ATAD2: variants seen among roughly 807,000 people sequenced by gnomAD.
ATAD2 encodes the protein ATPase family AAA domain containing 2, also known as ATPase family AAA domain-containing protein 2.
ATAD2 carries 62 observed loss-of-function variants against 168.9 expected under a neutral mutation model. The observed-to-expected ratio is 0.37, with a 90% CI of 0.30 to 0.45. ATAD2 has a LOEUF of 0.45. Among genes scored for constraint, ATAD2 ranks in the 20% least tolerant of loss-of-function variants. The pLI, the probability that ATAD2 is intolerant of heterozygous loss-of-function variation, is 1.00. For missense variants in ATAD2, 1,419 were observed against 1,667.8 expected, an observed-to-expected ratio of 0.85 and a Z score of 2.60; for synonymous variants, 613 against 571.6, an observed-to-expected ratio of 1.07 and a Z score of -1.03.
chr8:123,337,953 T>C (rs142230793), intron 20 of ATAD2, 132 bp from the exon 21 acceptor site: 4 of 842,432 alleles, frequency 4.7e-6, no homozygotes, highest in African/African-American at 3.5e-5. Context: ...AGATTTGAAA[T>C]ACAAAAGTAT....
chr8:123,396,399 A>T lies in ATAD2; in HGVS notation c.-42T>A, dbSNP rs780497045. The T allele has an allele frequency of 5.3e-6, 8 of 1,508,082 alleles. No individual in the cohort carries two copies. The highest frequency in any genetic ancestry group is 2.4e-5 in the East Asian group (1 of 41,040). The allele number at this position is 1,508,082 out of a possible 1,614,324, so 93.4% of individuals were successfully genotyped here. On this transcript the variant is annotated 5_prime_UTR_variant, in exon 1 of 28. Coordinates refer to ENST00000287394, the MANE Select transcript of ATAD2 (RefSeq NM_014109.4). ...CCTCGGCGTGCGCGACCGGAGAGAG[A>T]TCCAGCTCCAGGCGCTCGCAGCTCT...
At chr8:123,356,656 T>TC (rs1222587938) in intron 12 of ATAD2, among the ~76,000 whole-genome samples, 179 bp from the exon 13 acceptor site, 16 of 151,138 alleles carry the variant, frequency 1.1e-4, no homozygotes, top group Non-Finnish European at 1.5e-5. Context: ...TATATAATTT[T>TC]TTTTTTTTTT....
chr8:123,339,452 A>G lies in ATAD2; in HGVS notation c.2719-6T>C, dbSNP rs1223310577. The G allele has an allele frequency of 7.0e-6, 11 of 1,568,104 alleles. No homozygotes were observed. The highest frequency in any genetic ancestry group is 9.5e-6 in the Non-Finnish European group (11 of 1,154,852). Reference sequence around the variant, plus strand: ...CGGATAAACAATTCTTGCACCTTAAAAAAGAAAATAAATGCAATATATATC... The same window carrying G: ...CGGATAAACAATTCTTGCACCTTAAGAAAGAAAATAAATGCAATATATATC... On this transcript the variant is annotated splice_region_variant and splice_polypyrimidine_tract_variant and intron_variant, in intron 19 of 27. Coordinates refer to ENST00000287394, the MANE Select transcript of ATAD2 (RefSeq NM_014109.4).
intron 24 of ATAD2, among the ~76,000 whole-genome samples, chr8:123,333,106 T>C (rs952854196): frequency 6.6e-6 from 1 of 151,666 alleles, no homozygotes; most frequent in African/African-American, 2.4e-5. Context: ...TAGTGAGGAA[T>C]GGCCAGGCGC....
At position 123,369,933 on chromosome 8, in the gene ATAD2, A is replaced by ATCT; in HGVS notation, c.818_819insAGA (p.Asp272_Asp273insGlu). 1 of 1,581,660 alleles carries ATCT rather than the reference A, an allele frequency of 6.3e-7. No homozygotes were observed. Among genetic ancestry groups the ATCT allele is most frequent in the Non-Finnish European group, 8.7e-7 (1 of 1,154,004 alleles). On this transcript the variant is annotated inframe_insertion, in exon 7 of 28. Transcript: ENST00000287394. ...CTTCATCATCTTCATCATCATCATC[A>ATCT]TCATCATCATCGTCATCATCATCAT...
intron 14 of ATAD2, 112 bp downstream of exon 14, chr8:123,349,173 G>A: frequency 9.1e-7 from 1 of 1,096,578 alleles, no homozygotes. Context: ...ACTATCATTT[G>A]ACAAGACCAT....
chr8:123,385,846 T>G (rs1476789046), intron 1 of ATAD2, among the ~76,000 whole-genome samples: 1 of 151,910 alleles, frequency 6.6e-6, no homozygotes, highest in Non-Finnish European at 1.5e-5. Flanking sequence ...AGAACTCCTT[T>G]GCAAAACAAG....
chr8:123,329,981 C>CTTTTTT (rs71310666), intron 24 of ATAD2, among the ~76,000 whole-genome samples: 6 of 100,318 alleles, frequency 6.0e-5, no homozygotes, highest in African/African-American at 2.2e-4. Flanking sequence ...CCAGTGGCTT[C>CTTTTTT]TTTTTTTTTT....
chr8:123,332,671 T>TTAC (rs1827805310), intron 24 of ATAD2, among the ~76,000 whole-genome samples: 1 of 152,154 alleles, frequency 6.6e-6, no homozygotes, highest in Non-Finnish European at 1.5e-5. Context: ...GGCATTTGAG[T>TTAC]TACCCCCAGT....
chr8:123,356,314 A>T, intron 13 of ATAD2, 75 bp downstream of exon 13: 1 of 1,231,174 alleles, frequency 8.1e-7, no homozygotes. Context: ...TCACCATTTA[A>T]CATTCTATCT....
intron 20 of ATAD2, among the ~76,000 whole-genome samples, chr8:123,339,008 T>G (rs1463894576): frequency 6.6e-6 from 1 of 152,176 alleles, no homozygotes; most frequent in Non-Finnish European, 1.5e-5. Context: ...AAAATTATGT[T>G]ACATATGGTT....
intron 13 of ATAD2, among the ~76,000 whole-genome samples, chr8:123,350,041 GAA>G (rs1012555003): frequency 1.3e-4 from 20 of 151,650 alleles, no homozygotes; most frequent in Non-Finnish European, 2.8e-4. Context: ...AAAAGAAAAA[GAA>G]AAAAAGTGCT....
chr8:123,356,486 T>C lies in ATAD2; in HGVS notation c.1558-9A>G. Reference sequence around the variant, plus strand: ...GGGCGCATCTGATAGGCCTAGAAAGTAGGTGGAGTGGTCATTTGTTAGCAT... The same window carrying C: ...GGGCGCATCTGATAGGCCTAGAAAGCAGGTGGAGTGGTCATTTGTTAGCAT... On this transcript the variant is annotated splice_polypyrimidine_tract_variant and intron_variant, in intron 12 of 27. Coordinates refer to ENST00000287394, the MANE Select transcript of ATAD2 (RefSeq NM_014109.4). 1 of 1,604,314 alleles carries C rather than the reference T, an allele frequency of 6.2e-7. No individual in the cohort carries two copies. Among genetic ancestry groups the C allele is most frequent in the Non-Finnish European group, 8.5e-7 (1 of 1,173,204 alleles).
chr8:123,396,484 G>C, upstream of ATAD2: 2 of 1,056,776 alleles, frequency 1.9e-6, no homozygotes, highest in Non-Finnish European at 1.3e-6. Context: ...CGCAGCGCGC[G>C]CGCCCAGAAT....
At chr8:123,371,553 T>C (rs1829147698) in intron 4 of ATAD2, 117 bp downstream of exon 4, 1 of 947,094 alleles carries the variant, frequency 1.1e-6, no homozygotes, top group Admixed American at 3.1e-5. Context: ...ATCATTCTCC[T>C]GTACGCTTTA....
At chr8:123,336,314 C>A (rs1230503000) in intron 22 of ATAD2, 59 bp downstream of exon 22, 9 of 1,448,606 alleles carry the variant, frequency 6.2e-6, no homozygotes, top group Middle Eastern at 1.7e-4. Context: ...CAAAAATCAA[C>A]CCTAAGTGTT....
At chr8:123,371,481 T>C (rs922742306) in intron 4 of ATAD2, 143 bp from the exon 5 acceptor site, 10 of 856,134 alleles carry the variant, frequency 1.2e-5, no homozygotes, top group African/African-American at 3.5e-5. Context: ...TGTATAAAAA[T>C]ATTTTAAAAT....
chr8:123,367,268 T>C (rs1032069286), intron 8 of ATAD2, among the ~76,000 whole-genome samples: 2 of 151,946 alleles, frequency 1.3e-5, no homozygotes, highest in African/African-American at 4.8e-5. Context: ...TACAAAAAAA[T>C]TAGCGGGGCA....
chr8:123,398,440 A>G (rs905986458), upstream of ATAD2, among the ~76,000 whole-genome samples: 7 of 151,812 alleles, frequency 4.6e-5, no homozygotes, highest in Non-Finnish European at 1.0e-4. Context: ...CATGCTGGCC[A>G]GGCTGGTCTC....
Sources: allele counts gnomAD v4.1 joint callset (sites outside exome capture counted in the v4.1 genomes callset), GRCh38; gene constraint gnomAD v4.1.1; transcripts MANE v1.5; gene names NCBI Gene and HGNC (gene_info 2026-07-23, HGNC 2026-07-21).